KRT81: variants seen among roughly 807,000 people sequenced by gnomAD.
The protein encoded by KRT81 is keratin 81, also known as keratin, type II cuticular Hb1.
Under a neutral mutation model 35.8 loss-of-function variants are expected in KRT81, and 35 were observed. The ratio of observed to expected loss-of-function variants is 0.98; its 90% confidence interval spans 0.75 to 1.30. The LOEUF (loss-of-function observed/expected upper bound fraction) is 1.30, where lower values mean the gene tolerates loss of function less well. KRT81 is among the 50% of genes most tolerant of loss of function. The pLI, the probability that KRT81 is intolerant of heterozygous loss-of-function variation, is 0.00. For missense variants in KRT81, 531 were observed against 577.4 expected, an observed-to-expected ratio of 0.92 and a Z score of 0.82; for synonymous variants, 249 against 251.2, an observed-to-expected ratio of 0.99 and a Z score of 0.08.
Position 52,286,355 on chromosome 12 carries a change from T to A in KRT81, c.1418A>T (p.Gln473Leu), listed in dbSNP as rs1326713020. 14 of 1,555,020 alleles carry A rather than the reference T, an allele frequency of 9.0e-6. No individual in the cohort carries two copies. In the Admixed American group the frequency reaches 9.7e-5, roughly 11 times the overall value. The part of the protein sequence containing the change: ...VSTGLCAPCG[Q>L]LNTTCGGGSC... Reference sequence around the variant, plus strand: ...ACCCCCTCCGCAGGTGGTGTTCAATTGGCCGCAGGGCGCACACAGGCCGGT... The same window carrying A: ...ACCCCCTCCGCAGGTGGTGTTCAATAGGCCGCAGGGCGCACACAGGCCGGT... The change falls in exon 9 of 9, where the codon CAA becomes CTA. Residue 473 changes from glutamine (Q) to leucine (L), a missense_variant. Gln to Leu is a moderately radical substitution (Grantham distance 113). Transcript: ENST00000327741.
Position 52,287,256 on chromosome 12 carries a change from G to C in KRT81, c.1093C>G (p.Arg365Gly), listed in dbSNP as rs377419026. Residue 365 changes from arginine (R) to glycine (G), a missense_variant, in exon 7 of 9, where the codon CGC (arginine) becomes GGC (glycine). Transcript: ENST00000327741. The part of the protein sequence containing the change: ...QQGEAALSDA[R>G]CKLAELEGAL... ...CCCTCCAGCTCGGCCAGCTTGCAGC[G>C]GGCATCACTGAGGGCCGCCTCACCC... 4 of 1,614,106 alleles carry C rather than the reference G, an allele frequency of 2.5e-6. No homozygotes were observed. The African/African-American group carries it at 4.0e-5, about 16-fold the overall frequency.
chr12:52,288,834 C>A (rs61437296), intron 3 of KRT81, among the ~76,000 whole-genome samples: 11,358 of 151,802 alleles, frequency 0.075, 1,151 homozygotes, highest in African/African-American at 0.23. Context: ...CCCCCTTAGA[C>A]CCTGGGATTG....
chr12:52,287,940 C>T (rs778821370), intron 5 of KRT81, 44 bp downstream of exon 5: 1 of 1,613,966 alleles, frequency 6.2e-7, no homozygotes, highest in Non-Finnish European at 8.5e-7. Context: ...TCTCACATCC[C>T]TCCCACTGAC....
intron 8 of KRT81, 63 bp from the exon 9 acceptor site, chr12:52,286,556 C>CGCCCCT (rs1045498404): frequency 2.0e-6 from 3 of 1,485,010 alleles, no homozygotes; most frequent in Non-Finnish European, 2.8e-6. Flanking sequence ...TCCTGACAAC[C>CGCCCCT]GCCCCTGCCC....
At chr12:52,289,301 G>C (rs1343610294) in intron 2 of KRT81, 26 bp from the exon 3 acceptor site, 1 of 220,504 alleles carries the variant, frequency 4.5e-6, no homozygotes, top group Non-Finnish European at 8.2e-6. Context: ...GGGAAGAGAG[G>C]GGAGGTCAGG....
chr12:52,288,592 T>C lies in KRT81; in HGVS notation c.640-136A>G, dbSNP rs538519869. ...CATTCCCATGCCTTTCCTCCCCTTC[T>C]GCCCTTCCTGGGATGAGCTGGCATC... On this transcript the variant is annotated intron_variant, in intron 3 of 8. Transcript: ENST00000327741. 6 of 1,087,398 alleles carry C rather than the reference T, an allele frequency of 5.5e-6. No homozygotes were observed. The Admixed American group carries it at 8.5e-5, about 15-fold the overall frequency. 67.4% of individuals were successfully genotyped at this position (1,087,398 alleles called of 1,614,324 possible). A position where few individuals can be genotyped will look rare whatever the true frequency, so the allele number is the denominator to read the frequency against.
chr12:52,287,352 T>TA (rs1937980395), intron 6 of KRT81, 30 bp from the exon 7 acceptor site: 1 of 1,613,208 alleles, frequency 6.2e-7, no homozygotes, highest in Non-Finnish European at 8.5e-7. Flanking sequence ...CAAGGTAGAT[T>TA]AGAGTCCCTG....
intron 3 of KRT81, 87 bp from the exon 4 acceptor site, chr12:52,288,543 AG>A: frequency 6.7e-7 from 1 of 1,483,284 alleles, no homozygotes; most frequent in Non-Finnish European, 9.4e-7. Flanking sequence ...CCATGTAGCC[AG>A]GGGAAAGCAG....
At position 52,286,270 on chromosome 12, in the gene KRT81, G is replaced by C; in HGVS notation, c.1503C>G (p.Ser501Arg). 1.3e-6 allele frequency: 2 copies of C among 1,553,902 alleles called. No homozygotes were observed. ...SSLGVGSCGS[S>R]CRKC ...GTTGGGGTGCCTAACATTTCCGGCAGCTGCTGCCGCAAGACCCCACACCCA... is the reference window on the plus strand; with the variant it reads ...GTTGGGGTGCCTAACATTTCCGGCACCTGCTGCCGCAAGACCCCACACCCA... The change falls in exon 9 of 9, where the codon AGC becomes AGG. Residue 501 changes from serine to arginine, a missense_variant. Physicochemically the swap from Ser to Arg is moderately radical, Grantham distance 110 (BLOSUM62 -1). Around this residue, in one of 5 missense-constraint regions of KRT81, gnomAD observed 150 missense variants for 145.4 expected, o/e 1.03. Transcript: ENST00000327741.
chr12:52,288,330 C>T (rs1372035462), intron 4 of KRT81, 31 bp downstream of exon 4: 3 of 1,613,274 alleles, frequency 1.9e-6, no homozygotes, highest in African/African-American at 1.3e-5. Context: ...CTGCTGGCTG[C>T]CAGGTTTCTG....
chr12:52,286,608 G>T, intron 8 of KRT81, 115 bp from the exon 9 acceptor site: 1 of 1,280,452 alleles, frequency 7.8e-7, no homozygotes, highest in Admixed American at 2.0e-5. Context: ...GCATCTTTGT[G>T]GACAATTCTA....
rs750765059 is a variant in KRT81, at chr12:52,288,355, C to G, written c.735+6G>C. 9.3e-6 allele frequency: 15 copies of G among 1,614,010 alleles called. No homozygotes were observed. The highest frequency in any genetic ancestry group is 1.3e-5 in the Non-Finnish European group (15 of 1,179,944). ...CCAGGTTTCTGTCTGGCCCCTGAGC[C>G]CGCACCTCCTCATACAGCCGCCTCA... On this transcript the variant is annotated splice_donor_region_variant and intron_variant, in intron 4 of 8. Transcript: ENST00000327741.
At position 52,286,366 on chromosome 12, in the gene KRT81, C is replaced by G. The variant is rs771840321; in HGVS notation, c.1407G>C (p.Ala469=). 2 of 1,555,182 alleles carry G rather than the reference C, an allele frequency of 1.3e-6. No individual in the cohort carries two copies. The highest frequency in any genetic ancestry group is 1.7e-6 in the Non-Finnish European group (2 of 1,149,100). ...GNVAVSTGLC[A]PCGQLNTTCG... ...AGGTGGTGTTCAATTGGCCGCAGGG[C>G]GCACACAGGCCGGTGCTCACCGCCA... is the stretch of plus-strand genomic sequence containing the variant. The change falls in exon 9 of 9, where the codon GCG becomes GCC. Residue 469 remains alanine (A), a synonymous_variant. Coordinates refer to ENST00000327741, the MANE Select transcript of KRT81 (RefSeq NM_002281.4).
intron 5 of KRT81, 98 bp from the exon 6 acceptor site, chr12:52,287,819 TGCAGC>T: frequency 6.2e-7 from 1 of 1,609,222 alleles, no homozygotes; most frequent in Non-Finnish European, 8.5e-7. Context: ...GCTCAGCCTG[TGCAGC>T]CACACATGGC....
rs776111472 is a variant in KRT81 at position 52,285,947 on chromosome 12, A to G, written c.*308T>C. 4.6e-5 allele frequency: 21 copies of G among 455,012 alleles called. No homozygotes were observed. The highest frequency in any genetic ancestry group is 6.9e-5 in the Non-Finnish European group (17 of 246,266). 28.2% of individuals were successfully genotyped at this position (455,012 alleles called of 1,614,324 possible). A position where few individuals can be genotyped will look rare whatever the true frequency, so the allele number is the denominator to read the frequency against. Reference sequence around the variant, plus strand: ...TTAATTTATTGAAACACAGATCAAGAGCAGAGGAGGAAGGGGAGAGGCAGG... The same window carrying G: ...TTAATTTATTGAAACACAGATCAAGGGCAGAGGAGGAAGGGGAGAGGCAGG... On this transcript the variant is annotated 3_prime_UTR_variant, in exon 9 of 9. Transcript: ENST00000327741.
chr12:52,291,435 C>G lies in KRT81; in HGVS notation c.31G>C (p.Ala11Pro). ...CCGCAGGCCGAGATGCAGCTGAAGG[C>G]GCGCCCACCAAATCCTGATCCGCAG... The part of the protein sequence containing the change: MTCGSGFGGR[A>P]FSCISACGPR... Residue 11 changes from alanine to proline, a missense_variant, in exon 1 of 9, where the codon GCC (alanine) becomes CCC (proline). Ala to Pro is a conservative substitution (Grantham distance 27, BLOSUM62 -1). This residue lies in a region of KRT81 where 133 missense variants were observed against 125.9 expected (regional missense o/e 1.06). Coordinates refer to ENST00000327741, the MANE Select transcript of KRT81 (RefSeq NM_002281.4). 1 of 1,612,446 alleles carries G rather than the reference C, an allele frequency of 6.2e-7. No individual in the cohort carries two copies. Among genetic ancestry groups the G allele is most frequent in the African/African-American group, 1.3e-5 (1 of 74,988 alleles).
rs1363829829 is a variant in KRT81, at chr12:52,286,781, A to G, written c.1279+10T>C. On this transcript the variant is annotated intron_variant, in intron 8 of 8. Coordinates refer to ENST00000327741, the MANE Select transcript of KRT81 (RefSeq NM_002281.4). The stretch of plus-strand genomic sequence containing the variant: ...AGTAAATCTGTCCACACTGGACCCC[A>G]AATACTCACAGACATTCACAGCCCC... 6 of 1,613,906 alleles carry G rather than the reference A, an allele frequency of 3.7e-6. No individual in the cohort carries two copies. The highest frequency in any genetic ancestry group is 5.1e-6 in the Non-Finnish European group (6 of 1,179,810).
In KRT81 at chr12:52,288,065, G is replaced by T. The variant is rs146187254; in HGVS notation, c.819C>A (p.Cys273Ter). 6.8e-6 allele frequency: 11 copies of T among 1,614,212 alleles called. No homozygotes were observed. ...LDNSRDLNMDCIIAEIKAQYD... is the reference protein window; with the variant it reads ...LDNSRDLNMD ...ACTGTGCCTTAATCTCGGCAATGATGCAGTCCATGTTCAGGTCCCGGCTGT... is the reference window on the plus strand; with the variant it reads ...ACTGTGCCTTAATCTCGGCAATGATTCAGTCCATGTTCAGGTCCCGGCTGT... Residue 273 changes from cysteine (C) to a stop codon, truncating the protein, a stop_gained, in exon 5 of 9, where the codon TGC becomes TGA. Transcript: ENST00000327741. LOFTEE classifies it high-confidence loss of function.
chr12:52,287,615 A>T lies in KRT81; in HGVS notation c.1007T>A (p.Val336Glu). The T allele has an allele frequency of 6.2e-7, 1 of 1,613,820 alleles. No individual in the cohort carries two copies. ...NRMIQRLTAE[V>E]ENAKCQNSKL... is the part of the protein sequence containing the mutation. ...CCATACCTGGCACTTGGCATTCTCC[A>T]CCTCGGCCGTCAGCCTTTGGATCAT... Residue 336 changes from valine to glutamate, a missense_variant, in exon 6 of 9, where the codon GTG becomes GAG. This residue lies in a region of KRT81 where 194 missense variants were observed against 198.2 expected (regional missense o/e 0.98). Transcript: ENST00000327741.
Sources: allele counts gnomAD v4.1 joint callset (sites outside exome capture counted in the v4.1 genomes callset), GRCh38; gene constraint gnomAD v4.1.1; regional missense constraint gnomAD v4.1.1; transcripts MANE v1.5; gene names NCBI Gene and HGNC (gene_info 2026-07-23, HGNC 2026-07-21).